Variants in ZBTB20 observed in about 807,000 individuals in gnomAD.
ZBTB20 encodes the protein zinc finger and BTB domain-containing protein 20.
A neutral mutation model predicts 56.9 loss-of-function variants in ZBTB20; 9 were observed. The ratio of observed to expected loss-of-function variants is 0.16; its 90% confidence interval spans 0.10 to 0.28. ZBTB20 has a LOEUF of 0.28. Ranked by LOEUF, ZBTB20 falls within the 10% of genes least tolerant of loss-of-function variation. The pLI is 1.00. For missense variants in ZBTB20, 655 were observed against 1,003.0 expected, an observed-to-expected ratio of 0.65 and a Z score of 4.69; for synonymous variants, 417 against 420.7, an observed-to-expected ratio of 0.99 and a Z score of 0.11.
chr3:114,546,776 A>G (rs576203344), intron 6 of ZBTB20, among the ~76,000 whole-genome samples: 40 of 152,220 alleles, frequency 2.6e-4, no homozygotes, highest in Non-Finnish European at 5.3e-4. Context: ...AAAACTGCAC[A>G]GCACTTATAG....
chr3:114,869,404 A>G (rs2075897852), intron 4 of ZBTB20, among the ~76,000 whole-genome samples: 1 of 152,072 alleles, frequency 6.6e-6, no homozygotes, highest in Non-Finnish European at 1.5e-5. Context: ...TGTTGCTTCT[A>G]TGTTTTTGAC....
chr3:114,514,875 A>G lies in ZBTB20; in HGVS notation c.-294-14484T>C, dbSNP rs2045810486. On this transcript the variant is annotated intron_variant, in intron 6 of 11. Transcript: ENST00000675478. ...GGAATCCAAGGCAAAAAATAAAACA[A>G]TTTGCTTCTTGTCAAGTTTATTGCC... 2.0e-5 allele frequency among the ~76,000 whole-genome samples: 3 copies of G among 152,058 alleles called. No homozygotes were observed. In the South Asian group the frequency reaches 6.2e-4, roughly 32 times the overall value.
At chr3:115,061,883 T>C (rs2082025225) in intron 2 of ZBTB20, among the ~76,000 whole-genome samples, 1 of 152,072 alleles carries the variant, frequency 6.6e-6, no homozygotes, top group Non-Finnish European at 1.5e-5. Flanking sequence ...ATATCTTCAA[T>C]TTTTTTTGTT....
chr3:114,563,074 A>G (rs1174403903), intron 6 of ZBTB20, among the ~76,000 whole-genome samples: 1 of 151,890 alleles, frequency 6.6e-6, no homozygotes, highest in Non-Finnish European at 1.5e-5. Flanking sequence ...GGTTGCCACA[A>G]ACTTTCAATT....
At chr3:114,571,505 C>T (rs1353317393) in intron 6 of ZBTB20, among the ~76,000 whole-genome samples, 1 of 152,056 alleles carries the variant, frequency 6.6e-6, no homozygotes, top group Non-Finnish European at 1.5e-5. Flanking sequence ...CTGCCTTCAG[C>T]GGGGTGGGGT....
chr3:114,623,345 C>A (rs767416585), intron 6 of ZBTB20, among the ~76,000 whole-genome samples: 2 of 152,156 alleles, frequency 1.3e-5, no homozygotes, highest in Non-Finnish European at 2.9e-5. Flanking sequence ...TCCCAGAGCA[C>A]ATTCAATCAG....
At chr3:114,618,640 A>G (rs1336308599) in intron 6 of ZBTB20, among the ~76,000 whole-genome samples, 1 of 152,206 alleles carries the variant, frequency 6.6e-6, no homozygotes, top group East Asian at 1.9e-4. Context: ...ATAATGAAGA[A>G]ACAGTCTGTG....
At chr3:114,975,637 G>A (rs2078068258) in intron 2 of ZBTB20, among the ~76,000 whole-genome samples, 1 of 152,098 alleles carries the variant, frequency 6.6e-6, no homozygotes, top group Admixed American at 6.6e-5. Context: ...TTCTGCATCA[G>A]CAAACTAGGA....
chr3:114,895,931 G>A (rs1236588923), intron 4 of ZBTB20, among the ~76,000 whole-genome samples: 1 of 152,104 alleles, frequency 6.6e-6, no homozygotes, highest in Non-Finnish European at 1.5e-5. Context: ...TTTGGTAAAG[G>A]TCAGTGGGAG....
At chr3:115,000,100 G>A (rs1482055271) in intron 2 of ZBTB20, among the ~76,000 whole-genome samples, 2 of 151,240 alleles carry the variant, frequency 1.3e-5, no homozygotes, top group African/African-American at 4.8e-5. Context: ...TACCATATGA[G>A]ATCCATCTGG....
At chr3:114,652,191 C>T (rs1166045985) in intron 6 of ZBTB20, among the ~76,000 whole-genome samples, 1 of 151,972 alleles carries the variant, frequency 6.6e-6, no homozygotes, top group Non-Finnish European at 1.5e-5. Context: ...TGCCCCCTTC[C>T]AGTTAATTTC....
intron 4 of ZBTB20, among the ~76,000 whole-genome samples, chr3:114,896,049 C>T (rs1050154414): frequency 1.3e-5 from 2 of 152,112 alleles, no homozygotes; most frequent in South Asian, 2.1e-4. Context: ...AATTCACAGG[C>T]GTGTTGAAAG....
intron 6 of ZBTB20, among the ~76,000 whole-genome samples, chr3:114,661,424 A>T (rs907199940): frequency 1.3e-5 from 2 of 152,104 alleles, no homozygotes; most frequent in African/African-American, 4.8e-5. Context: ...CCAATTCAAG[A>T]CCTTCTATCA....
intron 6 of ZBTB20, among the ~76,000 whole-genome samples, chr3:114,535,674 C>A (rs2048379115): frequency 6.6e-6 from 1 of 152,180 alleles, no homozygotes; most frequent in Admixed American, 6.5e-5. Flanking sequence ...CAAAACCTGG[C>A]AGAGTCACAA....
chr3:114,715,311 C>T (rs2178555), intron 5 of ZBTB20, among the ~76,000 whole-genome samples: 16,205 of 152,212 alleles, frequency 0.11, 1,158 homozygotes, highest in East Asian at 0.34. Flanking sequence ...AGAAGAATTT[C>T]GGTAGCAATG....
intron 3 of ZBTB20, among the ~76,000 whole-genome samples, chr3:114,941,127 A>G (rs1483001423): frequency 6.8e-6 from 1 of 146,600 alleles, no homozygotes; most frequent in Non-Finnish European, 1.5e-5. Flanking sequence ...AGTTTCATCA[A>G]AACTGTTTCA....
chr3:114,363,961 A>G (rs936240517), intron 10 of ZBTB20, among the ~76,000 whole-genome samples: 1 of 152,156 alleles, frequency 6.6e-6, no homozygotes, highest in African/African-American at 2.4e-5. Context: ...CCTTCCTCCA[A>G]TTCAAGATAC....
intron 6 of ZBTB20, among the ~76,000 whole-genome samples, chr3:114,607,055 G>A (rs910738966): frequency 6.6e-6 from 1 of 151,796 alleles, no homozygotes; most frequent in Non-Finnish European, 1.5e-5. Context: ...CCGAGATCAC[G>A]CCACTGCACT....
At chr3:115,020,201 T>C in intron 2 of ZBTB20, among the ~76,000 whole-genome samples, 1 of 151,154 alleles carries the variant, frequency 6.6e-6, no homozygotes, top group East Asian at 1.9e-4. Context: ...TCTTATGTAA[T>C]ACAGGCTTTA....
Sources: allele counts gnomAD v4.1 joint callset (sites outside exome capture counted in the v4.1 genomes callset), GRCh38; gene constraint gnomAD v4.1.1; transcripts MANE v1.5; gene names NCBI Gene and HGNC (gene_info 2026-07-23, HGNC 2026-07-21).